Variants in SGCZ observed in about 807,000 individuals in gnomAD.
SGCZ encodes zeta-sarcoglycan.
Under a neutral mutation model 41.3 loss-of-function variants are expected in SGCZ, and 40 were observed. The ratio of observed to expected loss-of-function variants is 0.97; its 90% CI spans 0.75 to 1.26. The LOEUF is 1.26. Among genes scored for constraint, SGCZ ranks in the 50% most tolerant of loss-of-function variants. SGCZ has a pLI of 0.00. For missense variants in SGCZ, 552 were observed against 369.8 expected, an observed-to-expected ratio of 1.49 and a Z score of -4.04; for synonymous variants, 206 against 137.5, an observed-to-expected ratio of 1.50 and a Z score of -3.49.
At chr8:14,196,275 T>A (rs558090624) in intron 4 of SGCZ, among the ~76,000 whole-genome samples, 1 of 152,022 alleles carries the variant, frequency 6.6e-6, no homozygotes, top group African/African-American at 2.4e-5. Context: ...TTTTTTTTTT[T>A]TTTTAAAGAC....
intron 1 of SGCZ, among the ~76,000 whole-genome samples, chr8:14,999,799 G>T (rs1802348410): frequency 6.6e-6 from 1 of 152,166 alleles, no homozygotes; most frequent in Admixed American, 6.5e-5. Flanking sequence ...AAGTAATGGG[G>T]AAGTAACCTA....
chr8:14,164,723 T>TA lies in SGCZ; in HGVS notation c.425-22dup, dbSNP rs1239256076. 1.9e-6 allele frequency: 3 copies of TA among 1,610,580 alleles called. No individual in the cohort carries two copies. In the African/African-American group the frequency reaches 4.0e-5, roughly 22 times the overall value. On this transcript the variant is annotated intron_variant, in intron 4 of 7. Transcript: ENST00000382080. ...AGCTCCTATGGTCAGAGGAAAGGTTTAAAAATGAAACTGGTATGCAGGAAA... is the reference window on the plus strand; with the variant it reads ...AGCTCCTATGGTCAGAGGAAAGGTTTAAAAAATGAAACTGGTATGCAGGAAA...
intron 2 of SGCZ, among the ~76,000 whole-genome samples, chr8:14,372,137 T>C (rs145202968): frequency 0.02 from 3,035 of 152,192 alleles, 82 homozygotes; most frequent in African/African-American, 0.056. Flanking sequence ...GAAATAAGAT[T>C]ACAATGACTA....
intron 6 of SGCZ, among the ~76,000 whole-genome samples, chr8:14,105,453 C>T (rs147964131): frequency 1.3e-3 from 199 of 152,170 alleles, no homozygotes; most frequent in African/African-American, 4.5e-3. Context: ...CCAATGAAAC[C>T]GTGTTGATTA....
intron 1 of SGCZ, among the ~76,000 whole-genome samples, chr8:15,150,848 G>T (rs1433642089): frequency 3.3e-5 from 5 of 152,116 alleles, no homozygotes; most frequent in Non-Finnish European, 7.4e-5. Flanking sequence ...ACTATTTGCA[G>T]CTGACTAAAG....
intron 2 of SGCZ, among the ~76,000 whole-genome samples, chr8:14,358,492 T>C (rs1803375817): frequency 6.6e-6 from 1 of 152,120 alleles, no homozygotes; most frequent in South Asian, 2.1e-4. Context: ...CTATATAAAA[T>C]ATGTTATATG....
intron 5 of SGCZ, among the ~76,000 whole-genome samples, chr8:14,156,020 C>T (rs1179200280): frequency 1.3e-5 from 2 of 151,994 alleles, no homozygotes; most frequent in African/African-American, 2.4e-5. Context: ...ATGGTACACC[C>T]CTATAGGGCA....
chr8:14,136,638 A>C (rs369574287), intron 5 of SGCZ, among the ~76,000 whole-genome samples: 103 of 152,278 alleles, frequency 6.8e-4, no homozygotes, highest in African/African-American at 2.4e-3. Context: ...AGGTAAACAA[A>C]GCTGCCAGGA....
chr8:15,002,501 G>C (rs188116442), intron 1 of SGCZ, among the ~76,000 whole-genome samples: 3 of 152,118 alleles, frequency 2.0e-5, no homozygotes, highest in African/African-American at 7.2e-5. Context: ...CATTACCCTA[G>C]AAATAGGAAC....
At chr8:14,839,063 A>G (rs1438469054) in intron 1 of SGCZ, among the ~76,000 whole-genome samples, 1 of 152,180 alleles carries the variant, frequency 6.6e-6, no homozygotes, top group East Asian at 1.9e-4. Flanking sequence ...TGCTGGCAAG[A>G]ATAGACTTTC....
At chr8:14,736,609 T>C (rs1799038899) in intron 1 of SGCZ, among the ~76,000 whole-genome samples, 1 of 152,024 alleles carries the variant, frequency 6.6e-6, no homozygotes. Flanking sequence ...TATTTGTTGT[T>C]TTTTATTCCT....
At chr8:14,754,891 A>AT (rs955938486) in intron 1 of SGCZ, among the ~76,000 whole-genome samples, 30 of 151,884 alleles carry the variant, frequency 2.0e-4, no homozygotes, top group African/African-American at 7.2e-4. Flanking sequence ...CCAGCTTATT[A>AT]TTTTTTCTTT....
intron 1 of SGCZ, among the ~76,000 whole-genome samples, chr8:15,092,414 A>T (rs1307768972): frequency 6.6e-6 from 1 of 152,200 alleles, no homozygotes; most frequent in African/African-American, 2.4e-5. Context: ...GCTATTTTAA[A>T]ATGTTTAATT....
intron 1 of SGCZ, among the ~76,000 whole-genome samples, chr8:14,584,239 A>G (rs893348765): frequency 6.6e-6 from 1 of 152,208 alleles, no homozygotes; most frequent in African/African-American, 2.4e-5. Flanking sequence ...AATTTAAATC[A>G]TGAAAAGAGA....
At chr8:14,436,315 A>G (rs186257530) in intron 2 of SGCZ, among the ~76,000 whole-genome samples, 6 of 152,304 alleles carry the variant, frequency 3.9e-5, no homozygotes, top group Non-Finnish European at 1.5e-5. Flanking sequence ...AATAATATTC[A>G]GCGCATATTA....
At chr8:14,881,930 A>T (rs1804604745) in intron 1 of SGCZ, among the ~76,000 whole-genome samples, 1 of 152,152 alleles carries the variant, frequency 6.6e-6, no homozygotes, top group African/African-American at 2.4e-5. Context: ...ACTCACTCAA[A>T]ACCAAAGAAC....
In SGCZ at chr8:14,127,666, C is replaced by T. The variant is rs187887698; in HGVS notation, c.548-19431G>A. Among the ~76,000 whole-genome samples, 462 of 152,248 alleles carry T rather than the reference C, an allele frequency of 3.0e-3. 2 individuals carry two copies. The highest frequency in any genetic ancestry group is 4.6e-3 in the Non-Finnish European group (310 of 68,022). ...AGAGACATGGTTTCACCGTGTTAGC[C>T]AGGATGGACTTGATCTCCTGATCTT... On this transcript the variant is annotated intron_variant, in intron 5 of 7. Coordinates refer to ENST00000382080, the MANE Select transcript of SGCZ (RefSeq NM_139167.4).
At chr8:15,142,698 G>A (rs563739798) in intron 1 of SGCZ, among the ~76,000 whole-genome samples, 33 of 96,678 alleles carry the variant, frequency 3.4e-4, no homozygotes, top group South Asian at 1.4e-3. Flanking sequence ...TGTAACCTCC[G>A]CCTCCTGGGC....
intron 2 of SGCZ, among the ~76,000 whole-genome samples, chr8:14,334,895 CTGTG>C (rs1273079943): frequency 3.3e-5 from 5 of 151,942 alleles, no homozygotes; most frequent in Admixed American, 2.0e-4. Flanking sequence ...TTGTGTGTGC[CTGTG>C]TGTATTTCCG....
Sources: allele counts gnomAD v4.1 joint callset (sites outside exome capture counted in the v4.1 genomes callset), GRCh38; gene constraint gnomAD v4.1.1; transcripts MANE v1.5; gene names NCBI Gene and HGNC (gene_info 2026-07-23, HGNC 2026-07-21).